ESR2: variants seen among roughly 807,000 people sequenced by gnomAD.
ESR2 encodes the protein estrogen receptor beta.
In ESR2, 36 loss-of-function variants were observed where a neutral mutation model predicts 49.6. The ratio of observed to expected loss-of-function variants is 0.73; its 90% CI spans 0.56 to 0.96. The LOEUF (loss-of-function observed/expected upper bound fraction) is 0.96, where lower values mean the gene tolerates loss of function less well. Among genes scored for constraint, ESR2 ranks in the 40% least tolerant of loss-of-function variants. The pLI is 0.00. For missense variants in ESR2, 714 were observed against 693.0 expected (o/e 1.03, Z -0.34); for synonymous variants, 320 against 266.1 (o/e 1.20, Z -1.97).
intron 1 of ESR2, among the ~76,000 whole-genome samples, chr14:64,317,546 G>A (rs1264306005): frequency 6.6e-6 from 1 of 152,126 alleles, no homozygotes; most frequent in African/African-American, 2.4e-5. Flanking sequence ...TCACTATCGT[G>A]AGGACAGCAC....
intron 7 of ESR2, among the ~76,000 whole-genome samples, chr14:64,247,475 G>C (rs2075888055): frequency 6.6e-6 from 1 of 152,170 alleles, no homozygotes; most frequent in Non-Finnish European, 1.5e-5. Flanking sequence ...CTTGGCTTCA[G>C]GAACTGCTAC....
chr14:64,304,337 G>C (rs2077063562), intron 1 of ESR2, among the ~76,000 whole-genome samples: 1 of 152,108 alleles, frequency 6.6e-6, no homozygotes, highest in Admixed American at 6.5e-5. Context: ...ACAGCAATTT[G>C]ATTGGTTACA....
rs57173401 is a variant in ESR2, at chr14:64,259,191, G to A, written c.952+1258C>T. Among the ~76,000 whole-genome samples the A allele has an allele frequency of 4.1e-3, 625 of 152,342 alleles. 1 individual carries two copies. Among genetic ancestry groups the A allele is most frequent in the Non-Finnish European group, 7.4e-3 (501 of 68,024 alleles). On this transcript the variant is annotated intron_variant, in intron 5 of 8. Transcript: ENST00000341099. ...AAATAATTCTGGCAAAGGTGAAGAT[G>A]CTAGACAAAACAAAATACAACTAGA... is the stretch of plus-strand genomic sequence containing the variant.
At chr14:64,325,635 G>A (rs1304519751) in intron 1 of ESR2, among the ~76,000 whole-genome samples, 1 of 152,128 alleles carries the variant, frequency 6.6e-6, no homozygotes, top group Admixed American at 6.5e-5. Flanking sequence ...GAATTGCATG[G>A]GTCCACTGAT....
chr14:64,230,566 A>C lies in ESR2; in HGVS notation c.*2571T>G, dbSNP rs1468502709. On this transcript the variant is annotated 3_prime_UTR_variant, in exon 9 of 9. Coordinates refer to ENST00000341099, the MANE Select transcript of ESR2 (RefSeq NM_001437.3). ...ATGCAGTTGAGTCTTCAGATTTGTG[A>C]CTAGGCTGACAGCTTTGTCTTGTGT... 6.6e-6 allele frequency among the ~76,000 whole-genome samples: 1 copy of C among 152,050 alleles called. No individual in the cohort carries two copies. Among genetic ancestry groups the C allele is most frequent in the African/African-American group, 2.4e-5 (1 of 41,386 alleles).
rs376900888 is a variant in ESR2 at position 64,328,712 on chromosome 14, C to T, written c.-91+9186G>A. On this transcript the variant is annotated intron_variant, in intron 1 of 8. Coordinates refer to the ESR2 transcript ENST00000358599. The stretch of plus-strand genomic sequence containing the variant: ...CACCAACATCTGTTTTGGATGAGGG[C>T]CTCAGGAAGCTTCTACTCAAGGCAG... Among the ~76,000 whole-genome samples, 9 of 152,176 alleles carry T rather than the reference C, an allele frequency of 5.9e-5. No homozygotes were observed. The South Asian group carries it at 6.2e-4, about 11-fold the overall frequency.
chr14:64,268,974 G>A, intron 3 of ESR2, 63 bp from the exon 4 acceptor site: 1 of 944,478 alleles, frequency 1.1e-6, no homozygotes, highest in Non-Finnish European at 1.7e-6. Context: ...ATCTCTTCCT[G>A]GTCAACAACA....
chr14:64,257,519 G>A, intron 5 of ESR2, 155 bp from the exon 6 acceptor site: 1 of 943,616 alleles, frequency 1.1e-6, no homozygotes, highest in East Asian at 2.7e-5. Flanking sequence ...ATTAAAGGAA[G>A]AAAACTTTGA....
At chr14:64,227,289 G>A (rs577859008), downstream of ESR2, 48 of 525,140 alleles carry the variant, frequency 9.1e-5, no homozygotes, top group Non-Finnish European at 1.3e-5. Flanking sequence ...TGAGACATCT[G>A]CAAGCCCTGG....
At chr14:64,319,405 GA>G (rs955955018) in intron 1 of ESR2, among the ~76,000 whole-genome samples, 145 of 146,316 alleles carry the variant, frequency 9.9e-4, no homozygotes, top group Non-Finnish European at 1.0e-3. Flanking sequence ...CAAGATTCAT[GA>G]AAAAAAAAAC....
intron 4 of ESR2, among the ~76,000 whole-genome samples, chr14:64,268,138 CT>C (rs2076368644): frequency 6.6e-6 from 1 of 152,148 alleles, no homozygotes; most frequent in African/African-American, 2.4e-5. Flanking sequence ...GCTCACTTTT[CT>C]TTGTGCATAA....
intron 1 of ESR2, among the ~76,000 whole-genome samples, chr14:64,287,959 GCCAA>G (rs376130321): frequency 4.6e-5 from 7 of 152,256 alleles, no homozygotes; most frequent in South Asian, 2.1e-4. Context: ...ATTTCACCTG[GCCAA>G]CCAAAGAACC....
intron 1 of ESR2, among the ~76,000 whole-genome samples, chr14:64,308,159 T>C (rs1159845671): frequency 2.0e-5 from 3 of 151,992 alleles, no homozygotes; most frequent in African/African-American, 7.3e-5. Flanking sequence ...AGACCACAAG[T>C]GCATGACACC....
chr14:64,227,689 T>G (rs1187636052), downstream of ESR2: 18 of 1,605,090 alleles, frequency 1.1e-5, no homozygotes, highest in Non-Finnish European at 1.4e-5. Context: ...CTTAATATTG[T>G]GCATGTCAAT....
rs1034370599 is a variant in ESR2 at position 64,231,701 on chromosome 14, A to C, written c.*1436T>G. ...TTTTCAAAAAGAAAATATATTTAAT[A>C]TCATATCACAAGGTAATTGTTTAAA... On this transcript the variant is annotated 3_prime_UTR_variant, in exon 9 of 9. Coordinates refer to ENST00000341099, the MANE Select transcript of ESR2 (RefSeq NM_001437.3). 1 of 152,370 alleles carries C rather than the reference A, an allele frequency of 6.6e-6. No individual in the cohort carries two copies. The highest frequency in any genetic ancestry group is 1.5e-5 in the Non-Finnish European group (1 of 68,032). 9.4% of individuals were successfully genotyped at this position (152,370 alleles called of 1,614,324 possible).
In ESR2 at chr14:64,285,745, T is replaced by C. The variant is rs186022889; in HGVS notation, c.-90-2670A>G. On this transcript the variant is annotated intron_variant, in intron 1 of 8. Transcript: ENST00000341099. ...CGAGAGGCTAAGACATGAGAATCACTGAATCTGGGAGGCGGAGGCTGCATT... is the reference window on the plus strand; with the variant it reads ...CGAGAGGCTAAGACATGAGAATCACCGAATCTGGGAGGCGGAGGCTGCATT... Among the ~76,000 whole-genome samples, 3 of 146,250 alleles carry C rather than the reference T, an allele frequency of 2.1e-5. No individual in the cohort carries two copies. In the Admixed American group the frequency reaches 2.1e-4, roughly 10 times the overall value.
intron 7 of ESR2, among the ~76,000 whole-genome samples, chr14:64,245,996 G>C (rs2075848219): frequency 6.6e-6 from 1 of 152,194 alleles, no homozygotes; most frequent in African/African-American, 2.4e-5. Context: ...GTTGGTAGGT[G>C]GTTTGGAAAA....
At chr14:64,294,757 T>C (rs920742666), upstream of ESR2, among the ~76,000 whole-genome samples, 4 of 152,172 alleles carry the variant, frequency 2.6e-5, no homozygotes, top group African/African-American at 9.7e-5. Context: ...GAGCCAGTGG[T>C]GAAACCAGAG....
chr14:64,228,026 T>A (rs2098723483), downstream of ESR2: 1 of 1,499,968 alleles, frequency 6.7e-7, no homozygotes, highest in African/African-American at 1.4e-5. Context: ...TGAGCTGCAT[T>A]TTACTTGTAT....
Sources: gnomAD v4.1 joint callset for allele counts (sites outside exome capture counted in the v4.1 genomes callset) on GRCh38, gnomAD v4.1.1 for gene constraint, MANE v1.5 for transcripts, NCBI Gene and HGNC (gene_info 2026-07-23, HGNC 2026-07-21) for gene names.